Variants in CMPK1 observed in about 807,000 individuals in gnomAD.
CMPK1 encodes the protein cytidine/uridine monophosphate kinase 1.
A neutral mutation model predicts 25.7 loss-of-function variants in CMPK1; 10 were observed. The ratio of observed to expected loss-of-function variants is 0.39; its 90% CI spans 0.24 to 0.66. CMPK1 has a LOEUF of 0.66. Ranked by LOEUF, CMPK1 falls within the 30% of genes least tolerant of loss-of-function variation. The pLI, the probability that CMPK1 is intolerant of heterozygous loss-of-function variation, is 0.48. For synonymous variants in CMPK1, 106 were observed against 101.5 expected (o/e 1.04, Z -0.27); for missense variants, 199 against 280.5 (o/e 0.71, Z 2.08).
intron 1 of CMPK1, among the ~76,000 whole-genome samples, chr1:47,357,539 C>A (rs905288243): frequency 6.8e-6 from 1 of 147,024 alleles, no homozygotes; most frequent in South Asian, 2.1e-4. Flanking sequence ...GGCTGAAGTG[C>A]GGTGGTGTGA....
At chr1:47,334,145 TG>T in intron 1 of CMPK1, 29 bp downstream of exon 1, 2 of 1,457,504 alleles carry the variant, frequency 1.4e-6, no homozygotes, top group South Asian at 2.6e-5. Flanking sequence ...GCGGGCTCCT[TG>T]GGGCTTGACG....
At chr1:47,365,629 G>A (rs1244912568) in intron 1 of CMPK1, among the ~76,000 whole-genome samples, 2 of 16,422 alleles carry the variant, frequency 1.2e-4, no homozygotes, top group Non-Finnish European at 2.0e-4. Flanking sequence ...GTGAGACCCT[G>A]TCTCAAAAAA....
At chr1:47,348,420 C>T (rs1188364627) in intron 1 of CMPK1, among the ~76,000 whole-genome samples, 3 of 152,116 alleles carry the variant, frequency 2.0e-5, no homozygotes, top group African/African-American at 7.2e-5. Flanking sequence ...GTGATAAGAG[C>T]ATTTAGAACT....
chr1:47,347,978 C>T (rs1646496599), intron 1 of CMPK1, among the ~76,000 whole-genome samples: 1 of 152,164 alleles, frequency 6.6e-6, no homozygotes, highest in Non-Finnish European at 1.5e-5. Context: ...CTTAGTGTCA[C>T]ATTGACTATT....
intron 2 of CMPK1, among the ~76,000 whole-genome samples, chr1:47,369,021 G>A (rs988542249): frequency 3.3e-4 from 50 of 152,110 alleles, no homozygotes; most frequent in African/African-American, 1.2e-3. Context: ...GTTTTGTTTT[G>A]TTTTGAGACA....
chr1:47,344,223 T>A (rs901789169), intron 1 of CMPK1, among the ~76,000 whole-genome samples: 7 of 152,068 alleles, frequency 4.6e-5, no homozygotes, highest in African/African-American at 1.4e-4. Context: ...GGAAGGGACA[T>A]CTAAATGTCA....
At chr1:47,354,599 C>CTTTT (rs34592236) in intron 1 of CMPK1, among the ~76,000 whole-genome samples, 33 of 105,454 alleles carry the variant, frequency 3.1e-4, no homozygotes, top group Non-Finnish European at 4.0e-4. Flanking sequence ...TTGTGACTTG[C>CTTTT]TTTTTTTTTT....
chr1:47,357,730 C>A (rs1272063477), intron 1 of CMPK1, among the ~76,000 whole-genome samples: 1 of 151,978 alleles, frequency 6.6e-6, no homozygotes, highest in African/African-American at 2.4e-5. Flanking sequence ...GGTGATCCAC[C>A]TGCCTCAGCC....
chr1:47,353,631 T>C (rs1344419657), intron 1 of CMPK1, among the ~76,000 whole-genome samples: 1 of 152,204 alleles, frequency 6.6e-6, no homozygotes, highest in Non-Finnish European at 1.5e-5. Context: ...TTATCCTTAC[T>C]TCATGTGAGA....
In CMPK1 at chr1:47,377,796, C is replaced by T. The variant is rs551724003; in HGVS notation, c.*1051C>T. On this transcript the variant is annotated 3_prime_UTR_variant, in exon 6 of 6. Coordinates refer to ENST00000371873, the MANE Select transcript of CMPK1 (RefSeq NM_016308.3). ...TATAAATGTTTGATTCCCTTCCTTGCTATTTTTATTCAGTAGATTTTTGTT... is the reference window on the plus strand; with the variant it reads ...TATAAATGTTTGATTCCCTTCCTTGTTATTTTTATTCAGTAGATTTTTGTT... The T allele has an allele frequency of 5.2e-5, 8 of 152,564 alleles. No homozygotes were observed. The East Asian group carries it at 1.5e-3, about 29-fold the overall frequency. 9.5% of individuals were successfully genotyped at this position (152,564 alleles called of 1,614,324 possible).
intron 1 of CMPK1, among the ~76,000 whole-genome samples, chr1:47,352,209 G>A (rs1646527769): frequency 6.6e-6 from 1 of 152,104 alleles, no homozygotes; most frequent in African/African-American, 2.4e-5. Flanking sequence ...AGCTGTAAGA[G>A]TTTATATATT....
At chr1:47,340,016 C>T (rs910284555) in intron 1 of CMPK1, among the ~76,000 whole-genome samples, 8 of 109,664 alleles carry the variant, frequency 7.3e-5, no homozygotes, top group Non-Finnish European at 1.0e-4. Context: ...CTGCCCTCTT[C>T]CCTCCCCTCC....
intron 2 of CMPK1, among the ~76,000 whole-genome samples, chr1:47,370,610 C>G (rs1415517725): frequency 6.9e-6 from 1 of 144,964 alleles, no homozygotes; most frequent in Non-Finnish European, 1.5e-5. Context: ...TACTGCACTC[C>G]AGGTTGGGTG....
intron 1 of CMPK1, among the ~76,000 whole-genome samples, chr1:47,354,276 C>G (rs532310668): frequency 6.6e-6 from 1 of 152,174 alleles, no homozygotes; most frequent in South Asian, 2.1e-4. Flanking sequence ...CTGCAGTGAG[C>G]TGTGATTGTG....
intron 1 of CMPK1, chr1:47,358,373 A>T (rs1298457894): frequency 9.7e-6 from 12 of 1,241,796 alleles, no homozygotes; most frequent in Non-Finnish European, 1.3e-5. Context: ...TTGACCTTCC[A>T]AAGTGCTGAG....
chr1:47,347,768 G>A (rs551730314), intron 1 of CMPK1, among the ~76,000 whole-genome samples: 6 of 152,308 alleles, frequency 3.9e-5, no homozygotes, highest in African/African-American at 1.4e-4. Flanking sequence ...TAGGACTACA[G>A]GCATGCGCCG....
chr1:47,366,739 A>C (rs1479421114), intron 1 of CMPK1, among the ~76,000 whole-genome samples: 1 of 151,844 alleles, frequency 6.6e-6, no homozygotes. Flanking sequence ...AATTATTTTT[A>C]TTTGAGATGG....
intron 1 of CMPK1, among the ~76,000 whole-genome samples, chr1:47,338,746 AGAGTT>A (rs1316776628): frequency 1.3e-5 from 2 of 151,860 alleles, no homozygotes; most frequent in African/African-American, 2.4e-5. Context: ...TGTGATACTT[AGAGTT>A]AAGTTTCCAG....
chr1:47,370,914 A>G (rs946098659), intron 2 of CMPK1, among the ~76,000 whole-genome samples: 2 of 151,964 alleles, frequency 1.3e-5, no homozygotes, highest in Non-Finnish European at 2.9e-5. Context: ...CCAGGATCGC[A>G]CCATTGTACT....
Sources: gnomAD v4.1 joint callset for allele counts (sites outside exome capture counted in the v4.1 genomes callset) on GRCh38, gnomAD v4.1.1 for gene constraint, MANE v1.5 for transcripts, NCBI Gene and HGNC (gene_info 2026-07-23, HGNC 2026-07-21) for gene names.